The following FUT8 variants were observed in gnomAD, a reference collection of about 807,000 sequenced individuals.
FUT8 encodes the protein alpha-(1,6)-fucosyltransferase.
In FUT8, 29 loss-of-function variants were observed where a neutral mutation model predicts 71.3. The observed-to-expected ratio is 0.41, with a 90% confidence interval of 0.30 to 0.55. The LOEUF (loss-of-function observed/expected upper bound fraction) is 0.55. Among genes scored for constraint, FUT8 ranks in the 20% least tolerant of loss-of-function variants. The probability of loss-of-function intolerance (pLI) is 0.34; values close to 1 mark genes in which losing one functional copy is unlikely to be tolerated. For synonymous variants in FUT8, 254 were observed against 239.3 expected (o/e 1.06, Z -0.57); for missense variants, 544 against 702.1 (o/e 0.77, Z 2.55).
intron 1 of FUT8, among the ~76,000 whole-genome samples, chr14:65,423,379 A>G (rs1032881473): frequency 4.0e-5 from 6 of 150,508 alleles, no homozygotes; most frequent in African/African-American, 1.5e-4. Flanking sequence ...CTCCTGCCTC[A>G]GCCCCCTGAA....
chr14:65,663,917 A>T (rs1449976043), intron 6 of FUT8, among the ~76,000 whole-genome samples: 1 of 152,070 alleles, frequency 6.6e-6, no homozygotes, highest in Non-Finnish European at 1.5e-5. Flanking sequence ...ATAGTTTCCA[A>T]ACTAAAGGTC....
intron 6 of FUT8, among the ~76,000 whole-genome samples, chr14:65,658,909 G>C (rs1404470606): frequency 6.6e-6 from 1 of 152,014 alleles, no homozygotes; most frequent in Non-Finnish European, 1.5e-5. Context: ...AAAGTCTGTA[G>C]TTAATAGTAT....
rs1427002371 is a variant in FUT8 at position 65,433,348 on chromosome 14, T to G, written c.-326+20134T>G. On this transcript the variant is annotated intron_variant, in intron 1 of 10. Coordinates refer to ENST00000673929, the MANE Select transcript of FUT8 (RefSeq NM_001371533.1). ...GATATGGTACATAGTGATGATTAGC[T>G]TAGCATCAAAAACAAGTAGGGGCAT... is the stretch of plus-strand genomic sequence containing the variant. Among the ~76,000 whole-genome samples the G allele has an allele frequency of 2.0e-5, 3 of 152,312 alleles. No individual in the cohort carries two copies. The South Asian group carries it at 6.2e-4, about 32-fold the overall frequency.
intron 7 of FUT8, among the ~76,000 whole-genome samples, chr14:65,719,826 G>A (rs566369617): frequency 4.6e-5 from 7 of 152,306 alleles, no homozygotes; most frequent in East Asian, 1.9e-4. Flanking sequence ...CTGATTCTGT[G>A]CTCCAAGCCT....
At chr14:65,739,783 A>G (rs909393271) in intron 10 of FUT8, among the ~76,000 whole-genome samples, 4 of 152,092 alleles carry the variant, frequency 2.6e-5, no homozygotes, top group Non-Finnish European at 2.9e-5. Flanking sequence ...TTTCAAGCAT[A>G]TGCAGACTGC....
the FUT8 span, among the ~76,000 whole-genome samples, chr14:65,364,627 T>C: frequency 6.6e-6 from 1 of 152,194 alleles, no homozygotes; most frequent in Admixed American, 6.5e-5. Context: ...TAGACACTTT[T>C]AGGTATTTGC....
intron 2 of FUT8, among the ~76,000 whole-genome samples, chr14:65,553,452 T>G (rs549601502): frequency 8.5e-5 from 13 of 152,276 alleles, no homozygotes; most frequent in African/African-American, 3.1e-4. Context: ...TTAATGTGGT[T>G]AAATTAAGGG....
At chr14:65,738,916 A>G (rs1199696537) in intron 10 of FUT8, among the ~76,000 whole-genome samples, 1 of 152,058 alleles carries the variant, frequency 6.6e-6, no homozygotes. Context: ...CATTCAACAG[A>G]TACTTATTGA....
At chr14:65,428,514 T>G (rs2065422250) in intron 1 of FUT8, among the ~76,000 whole-genome samples, 1 of 152,196 alleles carries the variant, frequency 6.6e-6, no homozygotes, top group Non-Finnish European at 1.5e-5. Context: ...AATAAATTTC[T>G]GTCATTTATA....
chr14:65,720,304 G>A (rs1417896443), intron 7 of FUT8, among the ~76,000 whole-genome samples: 1 of 151,814 alleles, frequency 6.6e-6, no homozygotes, highest in East Asian at 2.0e-4. Flanking sequence ...TAAGGCCCAA[G>A]GGCTCTTCAG....
intron 7 of FUT8, among the ~76,000 whole-genome samples, chr14:65,692,241 C>A (rs1171731270): frequency 6.7e-6 from 1 of 149,548 alleles, no homozygotes; most frequent in Non-Finnish European, 1.5e-5. Context: ...CTGACCCCCC[C>A]ACCTCCCTCC....
chr14:65,517,156 GAAT>G (rs1475694062), intron 2 of FUT8, among the ~76,000 whole-genome samples: 3 of 151,734 alleles, frequency 2.0e-5, no homozygotes, highest in African/African-American at 7.3e-5. Context: ...TGGCTATTGT[GAAT>G]AATTCTGCCA....
chr14:65,567,748 C>A (rs1046796573), intron 3 of FUT8, among the ~76,000 whole-genome samples: 1 of 151,856 alleles, frequency 6.6e-6, no homozygotes, highest in Admixed American at 6.6e-5. Flanking sequence ...GAACAACATT[C>A]CTATCCTGAT....
At chr14:65,392,605 C>A in the FUT8 span, among the ~76,000 whole-genome samples, 1 of 152,106 alleles carries the variant, frequency 6.6e-6, no homozygotes, top group Non-Finnish European at 1.5e-5. Flanking sequence ...GAATAAGATT[C>A]CTGACTTCAT....
chr14:65,530,584 G>T (rs1475271756), intron 2 of FUT8, among the ~76,000 whole-genome samples: 1 of 151,992 alleles, frequency 6.6e-6, no homozygotes, highest in Non-Finnish European at 1.5e-5. Context: ...ATTAATTTTA[G>T]TAACAACATT....
At chr14:65,583,545 C>T (rs1384753332) in intron 3 of FUT8, among the ~76,000 whole-genome samples, 1 of 151,806 alleles carries the variant, frequency 6.6e-6, no homozygotes, top group Non-Finnish European at 1.5e-5. Flanking sequence ...CACTGCCATT[C>T]ATAACCAACA....
rs760195977 is a variant in FUT8 at position 65,490,188 on chromosome 14, A to AC, written c.-228+34475dup. On this transcript the variant is annotated intron_variant, in intron 2 of 10. Transcript: ENST00000673929. Reference sequence around the variant, plus strand: ...TTTACTCTCCTTTTGCATCTCTTTCACCCCCACCCCAAATAACCCAAATTT... The same window carrying AC: ...TTTACTCTCCTTTTGCATCTCTTTCACCCCCCACCCCAAATAACCCAAATTT... Among the ~76,000 whole-genome samples, 15 of 151,956 alleles carry AC rather than the reference A, an allele frequency of 9.9e-5. 1 individual carries two copies. Among genetic ancestry groups the AC allele is most frequent in the Middle Eastern group, 3.4e-3 (1 of 294 alleles).
At chr14:65,420,269 C>CT (rs1414890057) in intron 1 of FUT8, among the ~76,000 whole-genome samples, 1 of 151,940 alleles carries the variant, frequency 6.6e-6, no homozygotes, top group Non-Finnish European at 1.5e-5. Context: ...AGAACACATC[C>CT]TTTTTTTATT....
At chr14:65,731,924 T>A (rs550366171) in intron 9 of FUT8, among the ~76,000 whole-genome samples, 18 of 152,332 alleles carry the variant, frequency 1.2e-4, no homozygotes, top group African/African-American at 4.3e-4. Context: ...CTGACAAAGT[T>A]AGTCTTTATT....
Sources: allele counts gnomAD v4.1 joint callset (sites outside exome capture counted in the v4.1 genomes callset), GRCh38; gene constraint gnomAD v4.1.1; transcripts MANE v1.5; gene names NCBI Gene and HGNC (gene_info 2026-07-23, HGNC 2026-07-21).